The following ANKS1B variants were observed in gnomAD, a reference collection of about 807,000 sequenced individuals.
The protein encoded by ANKS1B is ankyrin repeat and sterile alpha motif domain-containing protein 1B.
ANKS1B carries 36 observed loss-of-function variants against 148.3 expected under a neutral mutation model. The observed-to-expected ratio is 0.24, with a 90% CI of 0.19 to 0.32. The LOEUF (loss-of-function observed/expected upper bound fraction) is 0.32. Among genes scored for constraint, ANKS1B ranks in the 10% least tolerant of loss-of-function variants. ANKS1B has a pLI of 1.00. For synonymous variants in ANKS1B, 542 were observed against 560.8 expected, an observed-to-expected ratio of 0.97 and a Z score of 0.47; for missense variants, 1,157 against 1,542.6, an observed-to-expected ratio of 0.75 and a Z score of 4.19.
At chr12:99,556,925 T>C (rs1396288551) in intron 9 of ANKS1B, among the ~76,000 whole-genome samples, 2 of 152,186 alleles carry the variant, frequency 1.3e-5, no homozygotes, top group African/African-American at 4.8e-5. Context: ...TTACATTGTT[T>C]TGGAGTGGAG....
intron 17 of ANKS1B, among the ~76,000 whole-genome samples, chr12:99,016,029 T>C (rs78555789): frequency 6.6e-6 from 1 of 152,350 alleles, no homozygotes; most frequent in African/African-American, 2.4e-5. Flanking sequence ...TACCAGGCTT[T>C]ACATGATTGG....
chr12:99,766,361 C>T (rs148735880), intron 8 of ANKS1B, among the ~76,000 whole-genome samples: 3 of 152,202 alleles, frequency 2.0e-5, no homozygotes, highest in Non-Finnish European at 1.5e-5. Context: ...AGCAAGTGTG[C>T]TAGAAGTTCA....
At chr12:99,557,662 T>TCATTTCAGC (rs1365421077) in intron 9 of ANKS1B, among the ~76,000 whole-genome samples, 1 of 152,216 alleles carries the variant, frequency 6.6e-6, no homozygotes, top group South Asian at 2.1e-4. Flanking sequence ...TCTATGTCTG[T>TCATTTCAGC]CATTTCAGCC....
At chr12:99,480,174 A>G (rs1253792995) in intron 10 of ANKS1B, among the ~76,000 whole-genome samples, 2 of 151,858 alleles carry the variant, frequency 1.3e-5, no homozygotes, top group African/African-American at 4.8e-5. Flanking sequence ...ATTAATGTGT[A>G]AAATAATTAT....
At chr12:99,239,105 A>AG (rs2088674786) in intron 14 of ANKS1B, among the ~76,000 whole-genome samples, 1 of 152,188 alleles carries the variant, frequency 6.6e-6, no homozygotes, top group Non-Finnish European at 1.5e-5. Context: ...GAAGGTTGGA[A>AG]TAACAAACTC....
chr12:99,688,887 A>C (rs936857836), intron 8 of ANKS1B, among the ~76,000 whole-genome samples: 2 of 152,130 alleles, frequency 1.3e-5, no homozygotes, highest in African/African-American at 4.8e-5. Flanking sequence ...ATTTAAAAAA[A>C]AAAAAAGAGA....
intron 25 of ANKS1B, among the ~76,000 whole-genome samples, chr12:98,771,373 T>C (rs1566276883): frequency 2.0e-5 from 3 of 151,744 alleles, no homozygotes; most frequent in Non-Finnish European, 2.9e-5. Flanking sequence ...AGTCTCACTA[T>C]GTTGCACAGG....
chr12:99,670,781 T>C (rs955718998), intron 8 of ANKS1B, among the ~76,000 whole-genome samples: 3 of 152,028 alleles, frequency 2.0e-5, no homozygotes, highest in African/African-American at 7.2e-5. Flanking sequence ...AGATAAGAAT[T>C]CTGACAGAGA....
At chr12:98,947,037 G>A (rs1412442452) in intron 17 of ANKS1B, among the ~76,000 whole-genome samples, 1 of 151,846 alleles carries the variant, frequency 6.6e-6, no homozygotes, top group Non-Finnish European at 1.5e-5. Flanking sequence ...TCTAGGCAGA[G>A]GATACTGCCA....
At chr12:98,996,358 A>G (rs1334871645) in intron 17 of ANKS1B, among the ~76,000 whole-genome samples, 1 of 152,146 alleles carries the variant, frequency 6.6e-6, no homozygotes, top group Non-Finnish European at 1.5e-5. Flanking sequence ...AAGGAATTTA[A>G]ATTTCCAATG....
chr12:99,586,000 C>A (rs145817200), intron 9 of ANKS1B, among the ~76,000 whole-genome samples: 15 of 152,266 alleles, frequency 9.9e-5, no homozygotes, highest in African/African-American at 3.4e-4. Flanking sequence ...CATTTGACTT[C>A]TCATTATTTA....
chr12:99,160,971 C>T lies in ANKS1B; in HGVS notation c.2420-6576G>A, dbSNP rs183095382. 2.4e-4 allele frequency among the ~76,000 whole-genome samples: 37 copies of T among 152,248 alleles called. No individual in the cohort carries two copies. The East Asian group carries it at 2.7e-3, about 11-fold the overall frequency. ...TAGCATAGTTTGAAGTCAGGGAATG[C>T]GATGCCTCTGGCTTTGTTCTTTTTG... On this transcript the variant is annotated intron_variant, in intron 14 of 26. Coordinates refer to ENST00000683438, the MANE Select transcript of ANKS1B (RefSeq NM_001352186.2).
chr12:99,444,481 A>C (rs978349506), intron 10 of ANKS1B, among the ~76,000 whole-genome samples: 12 of 152,008 alleles, frequency 7.9e-5, no homozygotes, highest in Non-Finnish European at 1.6e-4. Context: ...GGAGGGGGGA[A>C]TAAAGAAAAG....
intron 9 of ANKS1B, among the ~76,000 whole-genome samples, chr12:99,534,411 A>G (rs1278719980): frequency 2.6e-5 from 4 of 152,250 alleles, no homozygotes; most frequent in African/African-American, 9.6e-5. Context: ...ATAAAGAAAA[A>G]TAAAAGATGA....
intron 15 of ANKS1B, among the ~76,000 whole-genome samples, chr12:99,087,140 C>T (rs143559190): frequency 6.6e-6 from 1 of 152,250 alleles, no homozygotes; most frequent in East Asian, 1.9e-4. Flanking sequence ...CCTTTTCCTG[C>T]CATAATAAAG....
chr12:99,956,277 C>CAA (rs60549978), intron 1 of ANKS1B, among the ~76,000 whole-genome samples: 143 of 90,124 alleles, frequency 1.6e-3, no homozygotes, highest in Non-Finnish European at 2.2e-3. Context: ...GACTCTGTCT[C>CAA]AAAAAAAAAA....
intron 16 of ANKS1B, among the ~76,000 whole-genome samples, chr12:99,061,719 A>T (rs919927111): frequency 6.6e-6 from 1 of 152,218 alleles, no homozygotes; most frequent in African/African-American, 2.4e-5. Flanking sequence ...ATACAAACAT[A>T]ACTAAAAATA....
At chr12:99,948,992 G>T (rs931055332) in intron 1 of ANKS1B, among the ~76,000 whole-genome samples, 2 of 152,174 alleles carry the variant, frequency 1.3e-5, no homozygotes, top group East Asian at 1.9e-4. Flanking sequence ...ATACTGTGAG[G>T]TTGAGCTATA....
At chr12:99,369,791 T>TGGAC (rs201801314) in intron 12 of ANKS1B, among the ~76,000 whole-genome samples, 9,984 of 148,710 alleles carry the variant, frequency 0.067, 587 homozygotes, top group East Asian at 0.29. Context: ...GATAGATAGA[T>TGGAC]GGACGGACGG....
Sources: gnomAD v4.1 joint callset for allele counts (sites outside exome capture counted in the v4.1 genomes callset) on GRCh38, gnomAD v4.1.1 for gene constraint, MANE v1.5 for transcripts, NCBI Gene and HGNC (gene_info 2026-07-23, HGNC 2026-07-21) for gene names.